Variants in UNC5D observed in about 807,000 individuals in gnomAD.
UNC5D encodes the protein unc-5 netrin receptor D.
UNC5D carries 39 observed loss-of-function variants against 105.4 expected under a neutral mutation model. The ratio of observed to expected loss-of-function variants is 0.37; its 90% CI spans 0.29 to 0.48. UNC5D has a LOEUF of 0.48. Ranked by LOEUF, UNC5D falls within the 20% of genes least tolerant of loss-of-function variation. UNC5D has a pLI of 0.98. For missense variants in UNC5D, 991 were observed against 1,202.4 expected (o/e 0.82, Z 2.60); for synonymous variants, 452 against 450.4 (o/e 1.00, Z -0.04).
intron 1 of UNC5D, among the ~76,000 whole-genome samples, chr8:35,537,636 C>CACT (rs554474258): frequency 1.4e-3 from 219 of 151,704 alleles, no homozygotes; most frequent in African/African-American, 5.0e-3. Context: ...ACTATGATGG[C>CACT]ACTACTGCAC....
intron 8 of UNC5D, among the ~76,000 whole-genome samples, chr8:35,716,395 C>T (rs2131509386): frequency 6.6e-6 from 1 of 152,154 alleles, no homozygotes; most frequent in East Asian, 1.9e-4. Flanking sequence ...AGTAGTCACA[C>T]AGTGTGATCA....
chr8:35,756,978 T>C (rs993168946), intron 13 of UNC5D, among the ~76,000 whole-genome samples: 9 of 152,202 alleles, frequency 5.9e-5, no homozygotes, highest in Non-Finnish European at 1.3e-4. Context: ...TAATATGGTC[T>C]TAATAAGCAC....
intron 1 of UNC5D, among the ~76,000 whole-genome samples, chr8:35,537,729 TTTTA>T (rs1261762245): frequency 6.7e-5 from 10 of 149,962 alleles, no homozygotes; most frequent in African/African-American, 2.4e-4. Context: ...TAAGTAAATA[TTTTA>T]TTTATACATA....
intron 1 of UNC5D, among the ~76,000 whole-genome samples, chr8:35,353,577 G>C (rs765051055): frequency 3.9e-5 from 6 of 152,096 alleles, no homozygotes; most frequent in East Asian, 3.9e-4. Flanking sequence ...TACTATGTAT[G>C]GAAGAGGTAA....
Position 35,540,847 on chromosome 8 carries a change from C to G in UNC5D, c.104-8445C>G, listed in dbSNP as rs1586087216. Among the ~76,000 whole-genome samples the G allele has an allele frequency of 2.6e-5, 4 of 152,188 alleles. No homozygotes were observed. The East Asian group carries it at 7.8e-4, about 30-fold the overall frequency. On this transcript the variant is annotated intron_variant, in intron 1 of 16. Coordinates refer to ENST00000404895, the MANE Select transcript of UNC5D (RefSeq NM_080872.4). ...TGTGGCCCTCTTGGGAAATAAGTCA[C>G]CTGTGTTAGTGTGGCTGAAAGAATA... is the stretch of plus-strand genomic sequence containing the variant.
chr8:35,242,763 G>A (rs867643398), intron 1 of UNC5D, among the ~76,000 whole-genome samples: 6 of 152,210 alleles, frequency 3.9e-5, no homozygotes, highest in South Asian at 2.1e-4. Flanking sequence ...ATGAGCCACC[G>A]TGCCTGGCCA....
At chr8:35,462,191 A>G (rs1009204082) in intron 1 of UNC5D, among the ~76,000 whole-genome samples, 1 of 152,190 alleles carries the variant, frequency 6.6e-6, no homozygotes, top group Non-Finnish European at 1.5e-5. Context: ...CTTTTACTAA[A>G]TCTAGCAAAT....
intron 14 of UNC5D, among the ~76,000 whole-genome samples, chr8:35,765,972 A>C (rs1319866113): frequency 6.6e-6 from 1 of 152,186 alleles, no homozygotes; most frequent in African/African-American, 2.4e-5. Context: ...TTTGAGTAGA[A>C]AGGAGAGAGG....
At chr8:35,323,029 T>A (rs1809866844) in intron 1 of UNC5D, among the ~76,000 whole-genome samples, 1 of 152,158 alleles carries the variant, frequency 6.6e-6, no homozygotes, top group Non-Finnish European at 1.5e-5. Context: ...GCAGTAGGAC[T>A]AATATGACCT....
intron 4 of UNC5D, among the ~76,000 whole-genome samples, chr8:35,602,745 A>C (rs1819982054): frequency 6.6e-6 from 1 of 151,798 alleles, no homozygotes; most frequent in African/African-American, 2.4e-5. Flanking sequence ...ATTGTACTTT[A>C]AGTTTTAGGG....
intron 1 of UNC5D, among the ~76,000 whole-genome samples, chr8:35,325,857 A>G (rs901154265): frequency 1.2e-4 from 19 of 152,174 alleles, no homozygotes; most frequent in African/African-American, 4.3e-4. Flanking sequence ...TCACCAAAAC[A>G]TCATCCTATC....
intron 4 of UNC5D, among the ~76,000 whole-genome samples, chr8:35,651,697 C>T (rs1823412777): frequency 6.6e-6 from 1 of 152,170 alleles, no homozygotes; most frequent in Non-Finnish European, 1.5e-5. Flanking sequence ...TTTAACCTTT[C>T]ACTATATATA....
At chr8:35,424,856 G>A (rs1806139735) in intron 1 of UNC5D, among the ~76,000 whole-genome samples, 1 of 152,232 alleles carries the variant, frequency 6.6e-6, no homozygotes, top group Non-Finnish European at 1.5e-5. Context: ...TGAGGAATTG[G>A]CACTTTAGAA....
intron 1 of UNC5D, among the ~76,000 whole-genome samples, chr8:35,445,466 T>C (rs1807717270): frequency 1.3e-5 from 2 of 152,116 alleles, no homozygotes; most frequent in South Asian, 4.1e-4. Flanking sequence ...CTGAGTTCCC[T>C]GTAAATGTTA....
intron 1 of UNC5D, among the ~76,000 whole-genome samples, chr8:35,386,975 G>A: frequency 6.6e-6 from 1 of 151,638 alleles, no homozygotes; most frequent in African/African-American, 2.4e-5. Context: ...AATGGAATGT[G>A]ATTTTTGCAG....
intron 1 of UNC5D, among the ~76,000 whole-genome samples, chr8:35,450,552 G>A (rs548964102): frequency 5.9e-5 from 9 of 151,912 alleles, no homozygotes; most frequent in South Asian, 2.1e-4. Flanking sequence ...AGGTATTATC[G>A]TTGCCTGTAT....
chr8:35,759,243 G>A lies in UNC5D; in HGVS notation c.2164-77G>A, dbSNP rs1290582705. On this transcript the variant is annotated intron_variant, in intron 13 of 16. Transcript: ENST00000404895. ...GTGGAAGACACATGGTAGTGAGCAT[G>A]TGTATCCCTAGATAGGAAATATGTA... The A allele has an allele frequency of 1.6e-5, 24 of 1,529,044 alleles. No individual in the cohort carries two copies. In the East Asian group the frequency reaches 3.8e-4, roughly 24 times the overall value. 94.7% of individuals were successfully genotyped at this position (1,529,044 alleles called of 1,614,324 possible).
chr8:35,643,158 A>G (rs1822853273), intron 4 of UNC5D, among the ~76,000 whole-genome samples: 1 of 152,064 alleles, frequency 6.6e-6, no homozygotes, highest in South Asian at 2.1e-4. Context: ...TGTGCATGGT[A>G]GATGTTTAGT....
chr8:35,297,803 T>G (rs1279968007), intron 1 of UNC5D, among the ~76,000 whole-genome samples: 1 of 152,080 alleles, frequency 6.6e-6, no homozygotes, highest in Non-Finnish European at 1.5e-5. Context: ...TTGGCAAGCT[T>G]AATAAGGCTC....
Sources: gnomAD v4.1 joint callset for allele counts (sites outside exome capture counted in the v4.1 genomes callset) on GRCh38, gnomAD v4.1.1 for gene constraint, MANE v1.5 for transcripts, NCBI Gene and HGNC (gene_info 2026-07-23, HGNC 2026-07-21) for gene names.